The following RNF115 variants were observed in gnomAD, a reference collection of about 807,000 sequenced individuals.
RNF115 encodes the protein E3 ubiquitin-protein ligase RNF115.
In RNF115, 31 loss-of-function variants were observed where a neutral mutation model predicts 39.2. That is an observed-to-expected ratio of 0.79 (90% confidence interval 0.59 to 1.07). The LOEUF (loss-of-function observed/expected upper bound fraction) is 1.07. Ranked by LOEUF, RNF115 falls within the 50% of genes least tolerant of loss-of-function variation. The pLI is 0.00. For synonymous variants in RNF115, 124 were observed against 131.0 expected, an observed-to-expected ratio of 0.95 and a Z score of 0.37; for missense variants, 384 against 381.7, an observed-to-expected ratio of 1.01 and a Z score of -0.05.
At chr1:145,757,151 T>C (rs1008241234) in intron 4 of RNF115, among the ~76,000 whole-genome samples, 2 of 152,126 alleles carry the variant, frequency 1.3e-5, no homozygotes, top group Admixed American at 6.5e-5. Context: ...TCTCTCCTTA[T>C]AAGACTATCA....
chr1:145,767,232 C>A (rs1553715100), intron 4 of RNF115, among the ~76,000 whole-genome samples: 1 of 149,628 alleles, frequency 6.7e-6, no homozygotes, highest in African/African-American at 2.5e-5. Context: ...GGCTGCCGGG[C>A]GGAGGGGCTC....
At chr1:145,818,108 G>GTATA (rs1359745302) in intron 1 of RNF115, among the ~76,000 whole-genome samples, 1 of 151,582 alleles carries the variant, frequency 6.6e-6, no homozygotes, top group African/African-American at 2.4e-5. Flanking sequence ...ATTCCTCTGG[G>GTATA]TATATACCCA....
chr1:145,774,653 A>G (rs1203001919), intron 3 of RNF115, among the ~76,000 whole-genome samples: 2 of 152,112 alleles, frequency 1.3e-5, no homozygotes, highest in Non-Finnish European at 2.9e-5. Context: ...GCCCAGCCAC[A>G]TTTATTTCTT....
rs1657747079 is a variant in RNF115 at position 145,743,469 on chromosome 1, T to C, written c.*3397A>G. On this transcript the variant is annotated 3_prime_UTR_variant, in exon 9 of 9. Coordinates refer to ENST00000582693, the MANE Select transcript of RNF115 (RefSeq NM_014455.4). ...TGGGATTTCTCAAACTCCATTATTG[T>C]GTGAACCAATTCCTTATAATAAATC... is the stretch of plus-strand genomic sequence containing the variant. The C allele has an allele frequency of 6.6e-6, 1 of 152,182 alleles. No individual in the cohort carries two copies. The highest frequency in any genetic ancestry group is 2.1e-4 in the South Asian group (1 of 4,822). The allele number at this position is 152,182 out of a possible 1,614,324, so 9.4% of individuals were successfully genotyped here. A position where few individuals can be genotyped will look rare whatever the true frequency, so the allele number is the denominator to read the frequency against.
chr1:145,752,585 CTTTTTT>C (rs60257682), intron 5 of RNF115, among the ~76,000 whole-genome samples: 4 of 83,784 alleles, frequency 4.8e-5, no homozygotes, highest in African/African-American at 1.1e-4. Context: ...CTATGCAGCT[CTTTTTT>C]TTTTTTTTTT....
chr1:145,747,915 C>G, intron 8 of RNF115, 80 bp downstream of exon 8: 1 of 942,580 alleles, frequency 1.1e-6, no homozygotes, highest in Non-Finnish European at 1.7e-6. Flanking sequence ...AAAATCTGAT[C>G]TACTTGGATC....
At position 145,795,370 on chromosome 1, in the gene RNF115, G is replaced by A. The variant is rs1648926262; in HGVS notation, c.103-6404C>T. ...GCGGAAGGGACCCAAGCTGCTTGCT[G>A]CTGCTGGCTGGTACGGCCAGCTTTT... On this transcript the variant is annotated intron_variant, in intron 1 of 8. Coordinates refer to ENST00000582693, the MANE Select transcript of RNF115 (RefSeq NM_014455.4). Among the ~76,000 whole-genome samples the A allele has an allele frequency of 2.0e-5, 3 of 152,266 alleles. No homozygotes were observed. In the South Asian group the frequency reaches 6.2e-4, roughly 32 times the overall value.
intron 4 of RNF115, among the ~76,000 whole-genome samples, chr1:145,764,282 C>A (rs587711456): frequency 6.6e-6 from 1 of 152,330 alleles, no homozygotes; most frequent in South Asian, 2.1e-4. Flanking sequence ...ACCTCCCAGC[C>A]GCCTGCCTTG....
chr1:145,788,656 T>A, intron 2 of RNF115: 1 of 613,668 alleles, frequency 1.6e-6, no homozygotes, highest in Non-Finnish European at 3.0e-6. Context: ...GAATGCCACA[T>A]ACAATCAGGA....
At chr1:145,820,089 C>T (rs1188014495) in intron 1 of RNF115, among the ~76,000 whole-genome samples, 1 of 147,634 alleles carries the variant, frequency 6.8e-6, no homozygotes, top group Non-Finnish European at 1.5e-5. Context: ...ATCAAGTAGT[C>T]TTTACTCCTG....
chr1:145,791,080 C>A (rs1339046160), intron 1 of RNF115, among the ~76,000 whole-genome samples: 1 of 150,578 alleles, frequency 6.6e-6, no homozygotes, highest in African/African-American at 2.4e-5. Flanking sequence ...AGGCAGAGGT[C>A]GCAGTGAGCC....
chr1:145,808,439 G>C (rs1042801422), intron 1 of RNF115, among the ~76,000 whole-genome samples: 20 of 152,188 alleles, frequency 1.3e-4, no homozygotes, highest in Admixed American at 9.8e-4. Flanking sequence ...CTGATGATTA[G>C]TGATGTTAAG....
intron 4 of RNF115, among the ~76,000 whole-genome samples, chr1:145,759,831 G>T (rs782026661): frequency 6.6e-6 from 1 of 151,712 alleles, no homozygotes; most frequent in Non-Finnish European, 1.5e-5. Context: ...CACCTTCTCT[G>T]CCCTACATTG....
At position 145,743,233 on chromosome 1, in the gene RNF115, T is replaced by A. The variant is rs1220251443; in HGVS notation, c.*3633A>T. ...GAATACAGCACATGGCCCTCCCTAA[T>A]GTAAGTGGCCCTCATCCAATCAGTT... On this transcript the variant is annotated 3_prime_UTR_variant, in exon 9 of 9. Transcript: ENST00000582693. 6.6e-6 allele frequency: 1 copy of A among 152,146 alleles called. No homozygotes were observed. Among genetic ancestry groups the A allele is most frequent in the Non-Finnish European group, 1.5e-5 (1 of 68,038 alleles). 9.4% of individuals were successfully genotyped at this position (152,146 alleles called of 1,614,324 possible). A position where few individuals can be genotyped will look rare whatever the true frequency, so the allele number is the denominator to read the frequency against.
chr1:145,778,747 G>A (rs1324458688), intron 3 of RNF115, among the ~76,000 whole-genome samples: 1 of 152,120 alleles, frequency 6.6e-6, no homozygotes, highest in African/African-American at 2.4e-5. Flanking sequence ...TTTATGTAAA[G>A]GGCATCATAT....
chr1:145,767,565 A>C (rs1448714170), intron 4 of RNF115, among the ~76,000 whole-genome samples: 1 of 152,120 alleles, frequency 6.6e-6, no homozygotes, highest in East Asian at 1.9e-4. Context: ...ACTTCCCAGA[A>C]GGGGTGGTGG....
intron 5 of RNF115, among the ~76,000 whole-genome samples, chr1:145,752,564 T>C (rs951024124): frequency 6.9e-6 from 1 of 145,872 alleles, no homozygotes; most frequent in Admixed American, 6.8e-5. Context: ...CAGTTACATC[T>C]ACATACTCAC....
Position 145,743,792 on chromosome 1 carries a change from AAAT to A in RNF115, c.*3071_*3073del, listed in dbSNP as rs1247576258. ...CAAGCCTCCATCTCAAAAAATAAAT[AAAT>A]AAATAAATAAATAAATAAATAATAA... On this transcript the variant is annotated 3_prime_UTR_variant, in exon 9 of 9. Coordinates refer to ENST00000582693, the MANE Select transcript of RNF115 (RefSeq NM_014455.4). The A allele has an allele frequency of 1.7e-5, 1 of 59,664 alleles. No individual in the cohort carries two copies. The highest frequency in any genetic ancestry group is 3.3e-5 in the Non-Finnish European group (1 of 29,874). The allele number at this position is 59,664 out of a possible 1,614,324, so 3.7% of individuals were successfully genotyped here.
At position 145,804,480 on chromosome 1, in the gene RNF115, C is replaced by T. The variant is rs587594289; in HGVS notation, c.103-15514G>A. Among the ~76,000 whole-genome samples the T allele has an allele frequency of 5.0e-5, 7 of 140,154 alleles. No individual in the cohort carries two copies. The South Asian group carries it at 1.7e-3, about 33-fold the overall frequency. The allele number at this position is 140,154 out of a possible 152,430, so 91.9% of individuals were successfully genotyped here. ...CACTTCAAAACATCATGTTGTCCAC[C>T]TTAAATGCATGCATGCATGCACACA... is the stretch of plus-strand genomic sequence containing the variant. On this transcript the variant is annotated intron_variant, in intron 1 of 8. Coordinates refer to ENST00000582693, the MANE Select transcript of RNF115 (RefSeq NM_014455.4).
Sources: allele counts gnomAD v4.1 joint callset (sites outside exome capture counted in the v4.1 genomes callset), GRCh38; gene constraint gnomAD v4.1.1; transcripts MANE v1.5; gene names NCBI Gene and HGNC (gene_info 2026-07-23, HGNC 2026-07-21).